AK9: variants seen among roughly 807,000 people sequenced by gnomAD.
AK9 encodes the protein adenylate kinase domain containing 1.
In AK9, 191 loss-of-function variants were observed where a neutral mutation model predicts 239.6. The observed-to-expected ratio is 0.80, with a 90% CI of 0.71 to 0.90. The LOEUF (loss-of-function observed/expected upper bound fraction) is 0.90, where lower values mean the gene tolerates loss of function less well. AK9 is among the 40% of genes least tolerant of loss of function. The probability of loss-of-function intolerance (pLI) is 0.00; values close to 1 mark genes in which losing one functional copy is unlikely to be tolerated. For missense variants in AK9, 1,995 were observed against 2,214.7 expected (o/e 0.90, Z 1.99); for synonymous variants, 689 against 721.0 (o/e 0.96, Z 0.71).
At chr6:109,553,751 G>T (rs1784633450) in intron 24 of AK9, among the ~76,000 whole-genome samples, 2 of 152,266 alleles carry the variant, frequency 1.3e-5, no homozygotes, top group South Asian at 4.1e-4. Flanking sequence ...GAATGGGAGT[G>T]GTGAGAGAAG....
chr6:109,573,409 A>G, intron 21 of AK9, 33 bp downstream of exon 21: 1 of 1,524,484 alleles, frequency 6.6e-7, no homozygotes, highest in Middle Eastern at 1.7e-4. Flanking sequence ...GCACATGAGT[A>G]GAATTAAGAA....
chr6:109,527,816 T>C (rs1780706882), intron 29 of AK9: 1 of 152,138 alleles, frequency 6.6e-6, no homozygotes, highest in African/African-American at 2.4e-5. Context: ...AATCACACCA[T>C]TCTAATGTTA....
intron 17 of AK9, among the ~76,000 whole-genome samples, chr6:109,601,571 G>A (rs1173320206): frequency 2.0e-5 from 3 of 152,188 alleles, no homozygotes; most frequent in Non-Finnish European, 4.4e-5. Context: ...TTGGGGTGGA[G>A]AGTTCTGTAG....
At chr6:109,511,570 G>A (rs1045572224) in intron 32 of AK9, among the ~76,000 whole-genome samples, 2 of 152,192 alleles carry the variant, frequency 1.3e-5, no homozygotes. Flanking sequence ...CTAGTAGCTA[G>A]TAAATGTGGG....
chr6:109,494,885 T>C (rs1225523893), intron 39 of AK9, among the ~76,000 whole-genome samples: 1 of 152,188 alleles, frequency 6.6e-6, no homozygotes. Context: ...ATAGAATAAA[T>C]AAATAACAGT....
chr6:109,566,628 C>T (rs1786558060), intron 21 of AK9, among the ~76,000 whole-genome samples: 2 of 152,028 alleles, frequency 1.3e-5, no homozygotes, highest in Admixed American at 1.3e-4. Flanking sequence ...TTAACATATG[C>T]ATTGGGAATG....
At chr6:109,607,659 A>G (rs981804120) in intron 17 of AK9, among the ~76,000 whole-genome samples, 2 of 152,164 alleles carry the variant, frequency 1.3e-5, no homozygotes, top group African/African-American at 4.8e-5. Context: ...GGATGGCTGT[A>G]CAAATATTTT....
At chr6:109,534,962 T>C (rs572269359) in intron 27 of AK9, among the ~76,000 whole-genome samples, 1 of 152,322 alleles carries the variant, frequency 6.6e-6, no homozygotes, top group South Asian at 2.1e-4. Context: ...TGCATAGTAT[T>C]CCATGGTGTA....
chr6:109,578,256 C>T (rs1297269330), intron 20 of AK9, among the ~76,000 whole-genome samples: 4 of 150,930 alleles, frequency 2.7e-5, no homozygotes, highest in Admixed American at 1.3e-4. Context: ...TTTAGTAGAG[C>T]TGGGGTTTCG....
intron 1 of AK9, among the ~76,000 whole-genome samples, chr6:109,684,826 A>G (rs1773239216): frequency 8.1e-6 from 1 of 124,036 alleles, no homozygotes; most frequent in South Asian, 2.9e-4. Flanking sequence ...GTGAGCCGAG[A>G]TCCCGCCACT....
At chr6:109,689,970 C>T (rs1366569791) in intron 1 of AK9, among the ~76,000 whole-genome samples, 1 of 152,144 alleles carries the variant, frequency 6.6e-6, no homozygotes, top group African/African-American at 2.4e-5. Context: ...CCTTCTAGTT[C>T]TTAATAAAAG....
intron 10 of AK9, among the ~76,000 whole-genome samples, chr6:109,636,082 G>A (rs1422730328): frequency 1.3e-5 from 2 of 152,174 alleles, no homozygotes; most frequent in African/African-American, 4.8e-5. Context: ...AGGTCTGATA[G>A]GCTGTACCGC....
intron 20 of AK9, 150 bp from the exon 21 acceptor site, chr6:109,573,744 C>T (rs1218223161): frequency 1.4e-6 from 1 of 740,376 alleles, no homozygotes; most frequent in African/African-American, 1.8e-5. Context: ...GAAAAATTAT[C>T]TATTTATTAT....
intron 7 of AK9, among the ~76,000 whole-genome samples, chr6:109,657,879 G>A (rs904646875): frequency 2.0e-5 from 3 of 151,940 alleles, no homozygotes; most frequent in East Asian, 1.9e-4. Flanking sequence ...CCTGGCACAG[G>A]ATAAGTGTTC....
chr6:109,563,834 T>C, intron 23 of AK9, 122 bp from the exon 24 acceptor site: 1 of 1,260,448 alleles, frequency 7.9e-7, no homozygotes, highest in Non-Finnish European at 1.1e-6. Context: ...ATTAAATATG[T>C]ATGCAAATAG....
intron 21 of AK9, among the ~76,000 whole-genome samples, chr6:109,567,920 T>A (rs1405655826): frequency 6.6e-6 from 1 of 150,960 alleles, no homozygotes; most frequent in African/African-American, 2.4e-5. Flanking sequence ...CCTCCCTAAT[T>A]CATTTTATAA....
At chr6:109,525,859 C>T (rs1780443164) in intron 29 of AK9, among the ~76,000 whole-genome samples, 1 of 152,208 alleles carries the variant, frequency 6.6e-6, no homozygotes, top group African/African-American at 2.4e-5. Context: ...GTGCACTACT[C>T]ACAATAGCAA....
chr6:109,541,630 G>A lies in AK9; in HGVS notation c.3350+417C>T, dbSNP rs930962198. On this transcript the variant is annotated intron_variant, in intron 27 of 40. Coordinates refer to ENST00000424296, the MANE Select transcript of AK9 (RefSeq NM_001145128.3). ...TCTCCATGTTGGTCAGGCTGGTCTC[G>A]AACTCCCAACCTCAGGTGATCCACC... Among the ~76,000 whole-genome samples the A allele has an allele frequency of 1.6e-3, 247 of 152,144 alleles. 1 individual carries two copies. Among genetic ancestry groups the A allele is most frequent in the Non-Finnish European group, 1.0e-4 (7 of 68,022 alleles).
At chr6:109,529,682 G>A (rs1780981322) in intron 28 of AK9, among the ~76,000 whole-genome samples, 2 of 152,146 alleles carry the variant, frequency 1.3e-5, no homozygotes, top group South Asian at 4.1e-4. Flanking sequence ...CCCATCTGGA[G>A]GTGATGGGAG....
Sources: gnomAD v4.1 joint callset for allele counts (sites outside exome capture counted in the v4.1 genomes callset) on GRCh38, gnomAD v4.1.1 for gene constraint, MANE v1.5 for transcripts, NCBI Gene and HGNC (gene_info 2026-07-23, HGNC 2026-07-21) for gene names.